TRAP1: variants seen among roughly 807,000 people sequenced by gnomAD.
TRAP1 encodes TNF receptor associated protein 1.
Under a neutral mutation model 89.1 loss-of-function variants are expected in TRAP1, and 102 were observed. That is an observed-to-expected ratio of 1.15 (90% CI 0.98 to 1.35). The LOEUF is 1.35. Among genes scored for constraint, TRAP1 ranks in the 40% most tolerant of loss-of-function variants. The pLI is 0.00. For missense variants in TRAP1, 1,256 were observed against 945.3 expected (o/e 1.33, Z -4.31); for synonymous variants, 508 against 388.0 (o/e 1.31, Z -3.64).
intron 12 of TRAP1, 141 bp from the exon 13 acceptor site, chr16:3,664,600 G>A (rs1309193380): frequency 1.5e-5 from 13 of 891,154 alleles, no homozygotes; most frequent in East Asian, 8.4e-5. Flanking sequence ...TAGTGGACTC[G>A]GGGGTTGTCC....
At chr16:3,678,463 T>A (rs955104306) in intron 5 of TRAP1, 1 of 150,816 alleles carries the variant, frequency 6.6e-6, no homozygotes, top group Non-Finnish European at 1.5e-5. Flanking sequence ...TGTTTGTTGT[T>A]GTTGTTGTTG....
intron 4 of TRAP1, among the ~76,000 whole-genome samples, chr16:3,680,486 TCTGA>T (rs1294898837): frequency 6.6e-6 from 1 of 152,230 alleles, no homozygotes; most frequent in Non-Finnish European, 1.5e-5. Flanking sequence ...AGCAGAATGA[TCTGA>T]CTGAGGACAC....
intron 4 of TRAP1, among the ~76,000 whole-genome samples, chr16:3,685,092 A>C (rs765967573): frequency 1.3e-5 from 2 of 152,174 alleles, no homozygotes; most frequent in African/African-American, 2.4e-5. Flanking sequence ...AATCATCTGC[A>C]AGGAACCTCT....
chr16:3,706,567 C>T (rs931580354), intron 1 of TRAP1, among the ~76,000 whole-genome samples: 1 of 148,008 alleles, frequency 6.8e-6, no homozygotes, highest in Non-Finnish European at 1.5e-5. Context: ...TCGAGCAATT[C>T]TCCCACCTCA....
intron 1 of TRAP1, among the ~76,000 whole-genome samples, chr16:3,714,751 A>C (rs2051575408): frequency 6.6e-6 from 1 of 152,220 alleles, no homozygotes; most frequent in South Asian, 2.1e-4. Context: ...GGCTGAGCTC[A>C]TGGGTGACTG....
At chr16:3,666,176 C>T in intron 11 of TRAP1, 58 bp from the exon 12 acceptor site, 3 of 1,553,292 alleles carry the variant, frequency 1.9e-6, no homozygotes, top group East Asian at 2.3e-5. Flanking sequence ...TACAAATGGC[C>T]AGAGGGTACG....
At chr16:3,698,977 C>T (rs904781710) in intron 1 of TRAP1, among the ~76,000 whole-genome samples, 1 of 152,158 alleles carries the variant, frequency 6.6e-6, no homozygotes, top group Non-Finnish European at 1.5e-5. Context: ...GTACAATTTC[C>T]GTCTTTGTGT....
chr16:3,658,071 A>G lies in TRAP1; in HGVS notation c.*58T>C. 1 of 1,609,752 alleles carries G rather than the reference A, an allele frequency of 6.2e-7. No individual in the cohort carries two copies. The highest frequency in any genetic ancestry group is 8.5e-7 in the Non-Finnish European group (1 of 1,177,122). Reference sequence around the variant, plus strand: ...GAAATACCTTTAAATTTAGGTAAATAAAGCTCAAGGAGGTGGGGCTGTCAT... The same window carrying G: ...GAAATACCTTTAAATTTAGGTAAATGAAGCTCAAGGAGGTGGGGCTGTCAT... On this transcript the variant is annotated 3_prime_UTR_variant, in exon 18 of 18. Coordinates refer to ENST00000246957, the MANE Select transcript of TRAP1 (RefSeq NM_016292.3).
At chr16:3,668,720 G>C (rs2050870771) in intron 11 of TRAP1, among the ~76,000 whole-genome samples, 1 of 152,220 alleles carries the variant, frequency 6.6e-6, no homozygotes, top group African/African-American at 2.4e-5. Context: ...CAGTGGGCCA[G>C]CATGCCTGCC....
intron 1 of TRAP1, among the ~76,000 whole-genome samples, chr16:3,709,596 G>T (rs1308978711): frequency 1.3e-5 from 2 of 152,148 alleles, no homozygotes; most frequent in Non-Finnish European, 2.9e-5. Context: ...AGTGGAAAAT[G>T]CAAGGTACGG....
chr16:3,715,421 G>C (rs542305950), intron 1 of TRAP1, among the ~76,000 whole-genome samples: 2 of 152,092 alleles, frequency 1.3e-5, no homozygotes, highest in African/African-American at 4.8e-5. Flanking sequence ...CTGGGTGACA[G>C]AGCAAGACTC....
Position 3,695,598 on chromosome 16 carries a change from C to T in TRAP1, c.89-4613G>A, listed in dbSNP as rs537241066. Among the ~76,000 whole-genome samples the T allele has an allele frequency of 6.0e-5, 9 of 151,026 alleles. No individual in the cohort carries two copies. The South Asian group carries it at 8.4e-4, about 14-fold the overall frequency. ...AAGAAACCGTGAAAACAAAACAGGG[C>T]GCACATGAACACAAAATGAAATACA... is the stretch of plus-strand genomic sequence containing the variant. On this transcript the variant is annotated intron_variant, in intron 1 of 17. Transcript: ENST00000246957.
At chr16:3,665,921 C>T (rs1360536222) in intron 12 of TRAP1, 50 bp downstream of exon 12, 1 of 1,583,132 alleles carries the variant, frequency 6.3e-7, no homozygotes, top group Admixed American at 1.9e-5. Context: ...TCCTCAGCAG[C>T]CCCAGGGACA....
At chr16:3,675,040 G>A in intron 8 of TRAP1, 1 of 446,460 alleles carries the variant, frequency 2.2e-6, no homozygotes, top group Non-Finnish European at 4.1e-6. Flanking sequence ...CAGCTCTGTG[G>A]CTGCACTGAA....
intron 13 of TRAP1, chr16:3,663,809 C>G: frequency 1.9e-6 from 1 of 519,836 alleles, no homozygotes; most frequent in Non-Finnish European, 3.4e-6. Flanking sequence ...TGCAGTGGCT[C>G]ACGCCTGTAA....
chr16:3,658,420 A>C (rs2042851403), intron 17 of TRAP1, 190 bp from the exon 18 acceptor site: 1 of 604,052 alleles, frequency 1.7e-6, no homozygotes, highest in Non-Finnish European at 2.9e-6. Context: ...ACGCCTGGCC[A>C]TTTTTCCGTT....
intron 1 of TRAP1, among the ~76,000 whole-genome samples, chr16:3,712,605 C>T (rs1433109025): frequency 6.6e-6 from 1 of 152,112 alleles, no homozygotes; most frequent in African/African-American, 2.4e-5. Flanking sequence ...CTCTTACATT[C>T]GGATTGATGT....
chr16:3,671,850 TC>T, intron 10 of TRAP1, 59 bp from the exon 11 acceptor site: 2 of 1,558,746 alleles, frequency 1.3e-6, no homozygotes. Flanking sequence ...CACCCAACAT[TC>T]CCCATTAACC....
chr16:3,659,009 A>G (rs1192582412), intron 16 of TRAP1, 144 bp from the exon 17 acceptor site: 3 of 772,616 alleles, frequency 3.9e-6, no homozygotes, highest in African/African-American at 1.7e-5. Context: ...ATGATCATTT[A>G]TAGATAATAT....
Sources: gnomAD v4.1 joint callset for allele counts (sites outside exome capture counted in the v4.1 genomes callset) on GRCh38, gnomAD v4.1.1 for gene constraint, MANE v1.5 for transcripts, NCBI Gene and HGNC (gene_info 2026-07-23, HGNC 2026-07-21) for gene names.